Variants in EGFLAM observed in about 807,000 individuals in gnomAD.
EGFLAM encodes the protein EGF like, fibronectin type III and laminin G domains.
In EGFLAM, 79 loss-of-function variants were observed where a neutral mutation model predicts 113.1. That is an observed-to-expected ratio of 0.70 (90% CI 0.58 to 0.84). EGFLAM has a LOEUF of 0.84. Ranked by LOEUF, EGFLAM falls within the 40% of genes least tolerant of loss-of-function variation. EGFLAM has a pLI of 0.00. For missense variants in EGFLAM, 1,265 were observed against 1,291.6 expected, an observed-to-expected ratio of 0.98 and a Z score of 0.32; for synonymous variants, 504 against 487.6, an observed-to-expected ratio of 1.03 and a Z score of -0.44.
rs77977364 is a variant in EGFLAM at position 38,360,404 on chromosome 5, C to T, written c.545+8073C>T. Among the ~76,000 whole-genome samples, 108 of 152,226 alleles carry T rather than the reference C, an allele frequency of 7.1e-4. 1 individual carries two copies. Among genetic ancestry groups the T allele is most frequent in the African/African-American group, 2.2e-3 (93 of 41,532 alleles). Reference sequence around the variant, plus strand: ...CTGGTGAAGTTGCTTGATTCCAGTCCTCAGTTTCTTTCTCTGCAAATTAAG... The same window carrying T: ...CTGGTGAAGTTGCTTGATTCCAGTCTTCAGTTTCTTTCTCTGCAAATTAAG... On this transcript the variant is annotated intron_variant, in intron 5 of 21. Coordinates refer to ENST00000322350, the MANE Select transcript of EGFLAM (RefSeq NM_152403.4).
intron 1 of EGFLAM, among the ~76,000 whole-genome samples, chr5:38,329,436 G>A (rs1738983656): frequency 6.6e-6 from 1 of 152,118 alleles, no homozygotes; most frequent in Non-Finnish European, 1.5e-5. Flanking sequence ...GGGTCCAAGT[G>A]TCTGACTGGG....
chr5:38,311,710 A>G (rs1465618949), intron 1 of EGFLAM, among the ~76,000 whole-genome samples: 1 of 152,174 alleles, frequency 6.6e-6, no homozygotes, highest in Non-Finnish European at 1.5e-5. Context: ...TTCCCTCCCT[A>G]CCAAGATATT....
Position 38,458,363 on chromosome 5 carries a change from G to T in EGFLAM, c.2740G>T (p.Asp914Tyr). The T allele has an allele frequency of 1.2e-6, 2 of 1,614,056 alleles. No homozygotes were observed. Among genetic ancestry groups the T allele is most frequent in the Non-Finnish European group, 1.7e-6 (2 of 1,179,994 alleles). ...CATCATGGTGAATGGCTCCTTCAAC[G>T]ATGGTCGGTGGCACCGAGTTAAGGC... is the stretch of plus-strand genomic sequence containing the variant. ...ASIMVNGSFNDGRWHRVKAVR... is the reference protein window; with the variant it reads ...ASIMVNGSFNYGRWHRVKAVR... The change falls in exon 20 of 22, where the codon GAT becomes TAT. Residue 914 changes from aspartate (D) to tyrosine (Y), a missense_variant. Transcript: ENST00000322350.
chr5:38,415,233 G>T (rs1488214385), intron 11 of EGFLAM, among the ~76,000 whole-genome samples: 2 of 151,634 alleles, frequency 1.3e-5, no homozygotes, highest in African/African-American at 4.8e-5. Context: ...CGTGGTGGTG[G>T]GCGCCTGTAA....
At chr5:38,351,397 G>A (rs1047090680) in intron 4 of EGFLAM, among the ~76,000 whole-genome samples, 8 of 151,984 alleles carry the variant, frequency 5.3e-5, no homozygotes, top group African/African-American at 9.7e-5. Context: ...GTAAGCCACC[G>A]CGCCTGGTGA....
intron 6 of EGFLAM, among the ~76,000 whole-genome samples, chr5:38,393,484 G>A (rs2112092285): frequency 6.6e-6 from 1 of 152,174 alleles, no homozygotes; most frequent in Admixed American, 6.5e-5. Flanking sequence ...AAGAGTGCAG[G>A]CACCAGAAGT....
chr5:38,446,455 T>C (rs1266569184), intron 17 of EGFLAM, among the ~76,000 whole-genome samples: 1 of 152,142 alleles, frequency 6.6e-6, no homozygotes. Context: ...CCTACTCGGC[T>C]CCTTTCCCGT....
chr5:38,449,192 C>A (rs1742825014), intron 18 of EGFLAM, among the ~76,000 whole-genome samples: 1 of 152,170 alleles, frequency 6.6e-6, no homozygotes, highest in African/African-American at 2.4e-5. Flanking sequence ...ATTTTCCTTC[C>A]TCTTCAGATT....
At chr5:38,329,009 C>T (rs943079669) in intron 1 of EGFLAM, among the ~76,000 whole-genome samples, 2 of 151,956 alleles carry the variant, frequency 1.3e-5, no homozygotes, top group African/African-American at 4.8e-5. Context: ...GTTTTAAGAT[C>T]GGGCACAGTG....
At chr5:38,452,375 A>G (rs1742949192) in intron 19 of EGFLAM, among the ~76,000 whole-genome samples, 1 of 152,184 alleles carries the variant, frequency 6.6e-6, no homozygotes, top group African/African-American at 2.4e-5. Flanking sequence ...TGTTCATGCT[A>G]CAATGGCACA....
chr5:38,444,005 A>G (rs1040338496), intron 17 of EGFLAM, among the ~76,000 whole-genome samples: 2 of 152,064 alleles, frequency 1.3e-5, no homozygotes, highest in Non-Finnish European at 2.9e-5. Context: ...TCCTGACCTC[A>G]GGTGATCCAC....
chr5:38,412,928 T>C (rs1488162132), intron 11 of EGFLAM, among the ~76,000 whole-genome samples: 1 of 152,182 alleles, frequency 6.6e-6, no homozygotes, highest in Non-Finnish European at 1.5e-5. Context: ...CATAGGTCCA[T>C]GTTGCAGGAC....
chr5:38,292,079 A>G (rs938783772), intron 1 of EGFLAM, among the ~76,000 whole-genome samples: 1 of 152,190 alleles, frequency 6.6e-6, no homozygotes, highest in Non-Finnish European at 1.5e-5. Flanking sequence ...CCCAAGACAG[A>G]AACTTCTGGC....
intron 18 of EGFLAM, 132 bp from the exon 19 acceptor site, chr5:38,451,183 A>C: frequency 8.2e-7 from 1 of 1,217,386 alleles, no homozygotes; most frequent in Non-Finnish European, 1.2e-6. Flanking sequence ...GACTCGTGGT[A>C]ATGAAGTAAG....
chr5:38,260,871 T>C (rs578212858), intron 1 of EGFLAM, among the ~76,000 whole-genome samples: 1 of 152,300 alleles, frequency 6.6e-6, no homozygotes, highest in East Asian at 1.9e-4. Context: ...CCTGCTTGGC[T>C]CTGATGTGAG....
intron 5 of EGFLAM, among the ~76,000 whole-genome samples, chr5:38,359,119 C>G (rs1387177058): frequency 6.6e-6 from 1 of 152,102 alleles, no homozygotes; most frequent in Non-Finnish European, 1.5e-5. Context: ...AAGTGCCTTT[C>G]TCATAAGCAA....
At chr5:38,379,047 G>C (rs1406552409) in intron 6 of EGFLAM, among the ~76,000 whole-genome samples, 1 of 152,124 alleles carries the variant, frequency 6.6e-6, no homozygotes, top group Admixed American at 6.5e-5. Context: ...TCTGTTCTGG[G>C]AATGGGAAGA....
At chr5:38,430,205 A>T (rs1015607888) in intron 14 of EGFLAM, 1 of 161,078 alleles carries the variant, frequency 6.2e-6, no homozygotes, top group Non-Finnish European at 1.4e-5. Flanking sequence ...GGTCCTTCTT[A>T]TTTTTTATGC....
chr5:38,345,785 T>C (rs907317385), intron 3 of EGFLAM: 1 of 152,214 alleles, frequency 6.6e-6, no homozygotes, highest in African/African-American at 2.4e-5. Context: ...GAAAAGAGCA[T>C]GTTCAGCATC....
Sources: gnomAD v4.1 joint callset for allele counts (sites outside exome capture counted in the v4.1 genomes callset) on GRCh38, gnomAD v4.1.1 for gene constraint, MANE v1.5 for transcripts, NCBI Gene and HGNC (gene_info 2026-07-23, HGNC 2026-07-21) for gene names.